PTPRN2: variants seen among roughly 807,000 people sequenced by gnomAD.
PTPRN2 encodes protein tyrosine phosphatase receptor type N2, also known as receptor-type tyrosine-protein phosphatase N2.
PTPRN2 carries 74 observed loss-of-function variants against 118.8 expected under a neutral mutation model. The ratio of observed to expected loss-of-function variants is 0.62; its 90% CI spans 0.52 to 0.76. PTPRN2 has a LOEUF of 0.76. Ranked by LOEUF, PTPRN2 falls within the 30% of genes least tolerant of loss-of-function variation. The probability of loss-of-function intolerance (pLI) is 0.00; values close to 1 mark genes in which losing one functional copy is unlikely to be tolerated. For synonymous variants in PTPRN2, 641 were observed against 608.0 expected, an observed-to-expected ratio of 1.05 and a Z score of -0.80; for missense variants, 1,481 against 1,394.4, an observed-to-expected ratio of 1.06 and a Z score of -0.99.
chr7:158,344,375 G>A (rs569239648), intron 2 of PTPRN2, among the ~76,000 whole-genome samples: 6 of 152,140 alleles, frequency 3.9e-5, no homozygotes, highest in South Asian at 2.1e-4. Context: ...GGCCCCAGTC[G>A]CAGGCAAGGG....
chr7:158,331,757 T>C (rs1399663516), intron 2 of PTPRN2, among the ~76,000 whole-genome samples: 32 of 119,518 alleles, frequency 2.7e-4, no homozygotes, highest in East Asian at 8.3e-4. Context: ...TCACTCAAAC[T>C]CACACTCTCA....
At chr7:157,865,455 T>A (rs893723596) in intron 12 of PTPRN2, 1 of 152,188 alleles carries the variant, frequency 6.6e-6, no homozygotes, top group African/African-American at 2.4e-5. Context: ...TCCTCATGCA[T>A]GCACACGTCC....
chr7:158,047,515 G>C lies in PTPRN2; in HGVS notation c.1723+33783C>G, dbSNP rs192070689. Among the ~76,000 whole-genome samples, 609 of 152,258 alleles carry C rather than the reference G, an allele frequency of 4.0e-3. 3 individuals are homozygous for C. Among genetic ancestry groups the C allele is most frequent in the African/African-American group, 0.014 (592 of 41,556 alleles). On this transcript the variant is annotated intron_variant, in intron 11 of 22. Transcript: ENST00000389418. ...GCCTGCAGTCACTGAGCATGTGAGGGCTGCCTGCAGTCACTGAGGGTGCGA... is the reference window on the plus strand; with the variant it reads ...GCCTGCAGTCACTGAGCATGTGAGGCCTGCCTGCAGTCACTGAGGGTGCGA...
chr7:157,856,519 C>T (rs932275769), intron 12 of PTPRN2, among the ~76,000 whole-genome samples: 8 of 152,298 alleles, frequency 5.3e-5, no homozygotes, highest in Middle Eastern at 3.4e-3. Context: ...ATGAGTTTGC[C>T]GCAGACAACC....
At chr7:157,680,558 C>T (rs1481661879) in intron 13 of PTPRN2, among the ~76,000 whole-genome samples, 1 of 152,196 alleles carries the variant, frequency 6.6e-6, no homozygotes, top group Admixed American at 6.5e-5. Flanking sequence ...TCAAAGTGAA[C>T]AATCATACAG....
chr7:157,785,427 AG>A lies in PTPRN2; in HGVS notation c.1789-102491del, dbSNP rs2151062608. On this transcript the variant is annotated intron_variant, in intron 12 of 22. Transcript: ENST00000389418. This position sits in a 1 kb window ranked among gnomAD's most constrained non-coding sequence, Gnocchi z 7.3. Reference sequence around the variant, plus strand: ...AAGGGGGTGGTGGAAAAGGCCTTGGAGCCTGGGGCAGGGCTCAGAGGGGCCC... The same window carrying A: ...AAGGGGGTGGTGGAAAAGGCCTTGGACCTGGGGCAGGGCTCAGAGGGGCCC... Among the ~76,000 whole-genome samples the A allele has an allele frequency of 6.6e-6, 1 of 152,232 alleles. No homozygotes were observed. Among genetic ancestry groups the A allele is most frequent in the African/African-American group, 2.4e-5 (1 of 41,550 alleles).
At chr7:158,316,161 C>T (rs1250837307) in intron 3 of PTPRN2, among the ~76,000 whole-genome samples, 1 of 152,158 alleles carries the variant, frequency 6.6e-6, no homozygotes, top group African/African-American at 2.4e-5. Context: ...GGGGAATGGT[C>T]CTTGCTGGAC....
intron 21 of PTPRN2, among the ~76,000 whole-genome samples, chr7:157,556,520 ACAC>A (rs1224264190): frequency 6.6e-6 from 1 of 151,290 alleles, no homozygotes; most frequent in South Asian, 2.1e-4. Flanking sequence ...AGGCATGCAC[ACAC>A]CACACAACAC....
chr7:158,461,680 G>C (rs916984595), intron 2 of PTPRN2, among the ~76,000 whole-genome samples: 1 of 152,108 alleles, frequency 6.6e-6, no homozygotes, highest in Non-Finnish European at 1.5e-5. Context: ...GGTACTACAC[G>C]CGAGCATTTC....
intron 6 of PTPRN2, among the ~76,000 whole-genome samples, chr7:158,149,604 A>G (rs1820720959): frequency 6.6e-6 from 1 of 152,154 alleles, no homozygotes; most frequent in Non-Finnish European, 1.5e-5. Context: ...GGAGTTCGAG[A>G]CCAGCCTGGC....
intron 11 of PTPRN2, among the ~76,000 whole-genome samples, chr7:157,917,278 A>G (rs903959649): frequency 1.3e-5 from 2 of 152,280 alleles, no homozygotes; most frequent in African/African-American, 4.8e-5. Flanking sequence ...GGCACTGAAC[A>G]CACTCCAGCC....
chr7:158,393,623 C>T (rs1812111403), intron 2 of PTPRN2, among the ~76,000 whole-genome samples: 1 of 152,194 alleles, frequency 6.6e-6, no homozygotes, highest in Non-Finnish European at 1.5e-5. Context: ...TGGAAGTCAT[C>T]TTTCAGCGTC....
At position 157,763,969 on chromosome 7, in the gene PTPRN2, A is replaced by T. The variant is rs1328668552; in HGVS notation, c.1789-81032T>A. ...ACACTCTCATGTTCGTTTGATCTTC[A>T]TGATGTCCGTGAACACAGGGAAGCT... On this transcript the variant is annotated intron_variant, in intron 12 of 22. Transcript: ENST00000389418. The surrounding 1 kb of genome is among the most constrained non-coding windows in gnomAD (Gnocchi z 4.9). 1.3e-5 allele frequency among the ~76,000 whole-genome samples: 2 copies of T among 152,168 alleles called. No individual in the cohort carries two copies. The highest frequency in any genetic ancestry group is 4.8e-5 in the African/African-American group (2 of 41,436).
intron 1 of PTPRN2, among the ~76,000 whole-genome samples, chr7:158,560,573 G>T (rs1224261348): frequency 1.3e-5 from 2 of 152,270 alleles, no homozygotes; most frequent in African/African-American, 2.4e-5. Flanking sequence ...CGCTCCGCGC[G>T]CAGGACTGTG....
At chr7:157,601,122 TA>T (rs904547443) in intron 16 of PTPRN2, among the ~76,000 whole-genome samples, 3 of 152,190 alleles carry the variant, frequency 2.0e-5, no homozygotes, top group African/African-American at 7.2e-5. Context: ...CAGGCTGTTT[TA>T]AATGTAGCTC....
chr7:158,270,905 A>T (rs1248741432), intron 3 of PTPRN2, among the ~76,000 whole-genome samples: 1 of 3,802 alleles, frequency 2.6e-4, no homozygotes, highest in Non-Finnish European at 4.4e-4. Flanking sequence ...CACCTGGACC[A>T]CCCCCCCCAC....
At chr7:158,293,484 G>A (rs1006837878) in intron 3 of PTPRN2, among the ~76,000 whole-genome samples, 2 of 151,930 alleles carry the variant, frequency 1.3e-5, no homozygotes, top group African/African-American at 4.8e-5. Context: ...GCTGAGGCAG[G>A]AGAATCGTTC....
At position 157,987,661 on chromosome 7, in the gene PTPRN2, T is replaced by C. The variant is rs1374865273; in HGVS notation, c.1724-88924A>G. 6.6e-6 allele frequency among the ~76,000 whole-genome samples: 1 copy of C among 152,152 alleles called. No homozygotes were observed. The highest frequency in any genetic ancestry group is 1.5e-5 in the Non-Finnish European group (1 of 68,018). On this transcript the variant is annotated intron_variant, in intron 11 of 22. Coordinates refer to ENST00000389418, the MANE Select transcript of PTPRN2 (RefSeq NM_002847.5). The surrounding 1 kb of genome is among the most constrained non-coding windows in gnomAD (Gnocchi z 4.3). ...CTGGGTGAACAGTTGGAATACAGGT[T>C]CCTCGGGCCTGTCCTAAATGCTATC...
intron 6 of PTPRN2, among the ~76,000 whole-genome samples, chr7:158,147,776 GTTATTCCCCC>G (rs1563512144): frequency 7.5e-4 from 80 of 106,768 alleles, no homozygotes; most frequent in Admixed American, 2.0e-3. Flanking sequence ...CACGCCACGT[GTTATTCCCCC>G]TCACTGACAC....
Sources: gnomAD v4.1 joint callset for allele counts (sites outside exome capture counted in the v4.1 genomes callset) on GRCh38, gnomAD v4.1.1 for gene constraint, Gnocchi (gnomAD v3.1) non-coding constraint, MANE v1.5 for transcripts, NCBI Gene and HGNC (gene_info 2026-07-23, HGNC 2026-07-21) for gene names.